Variants in GRAMD2B observed in about 807,000 individuals in gnomAD.
GRAMD2B encodes the protein GRAM domain-containing protein 2B.
GRAMD2B carries 41 observed loss-of-function variants against 59.2 expected under a neutral mutation model. The ratio of observed to expected loss-of-function variants is 0.69; its 90% confidence interval spans 0.54 to 0.90. The LOEUF (loss-of-function observed/expected upper bound fraction) is 0.90, where lower values mean the gene tolerates loss of function less well. Among genes scored for constraint, GRAMD2B ranks in the 40% least tolerant of loss-of-function variants. The pLI, the probability that GRAMD2B is intolerant of heterozygous loss-of-function variation, is 0.00. For synonymous variants in GRAMD2B, 161 were observed against 182.7 expected (o/e 0.88, Z 0.96); for missense variants, 424 against 500.5 (o/e 0.85, Z 1.46).
At chr5:126,480,572 A>G (rs1771521364) in intron 7 of GRAMD2B, 45 bp downstream of exon 7, 1 of 1,606,296 alleles carries the variant, frequency 6.2e-7, no homozygotes, top group Non-Finnish European at 8.5e-7. Context: ...TCTCTTCTGT[A>G]TTTCTTATGG....
chr5:126,400,336 T>G (rs908882318), intron 1 of GRAMD2B, among the ~76,000 whole-genome samples: 4 of 152,134 alleles, frequency 2.6e-5, no homozygotes, highest in African/African-American at 9.6e-5. Context: ...ATACAAAAAC[T>G]CTACACTTTT....
upstream of GRAMD2B, among the ~76,000 whole-genome samples, chr5:126,368,124 T>C (rs1018688634): frequency 9.9e-6 from 1 of 101,098 alleles, no homozygotes; most frequent in Admixed American, 1.1e-4. Flanking sequence ...TTATTTTAGT[T>C]GTATTTTATT....
chr5:126,367,028 G>C (rs1427380630), upstream of GRAMD2B, among the ~76,000 whole-genome samples: 1 of 151,820 alleles, frequency 6.6e-6, no homozygotes, highest in Non-Finnish European at 1.5e-5. Context: ...GCTAATTTTT[G>C]TATTTTTAGT....
intron 1 of GRAMD2B, among the ~76,000 whole-genome samples, chr5:126,450,268 T>TA (rs1765100783): frequency 6.6e-6 from 1 of 152,138 alleles, no homozygotes; most frequent in Admixed American, 6.5e-5. Flanking sequence ...TTCTCTCTTC[T>TA]AAGTCGGCTT....
At chr5:126,487,041 ACTTAGCATCCTT>A in intron 12 of GRAMD2B, 64 bp downstream of exon 12, 1 of 832,764 alleles carries the variant, frequency 1.2e-6, no homozygotes. Context: ...ATTGACCTGA[ACTTAGCATCCTT>A]CTTAGTAAAC....
intron 1 of GRAMD2B, among the ~76,000 whole-genome samples, chr5:126,411,890 T>G (rs1758834672): frequency 6.9e-6 from 1 of 145,024 alleles, no homozygotes; most frequent in South Asian, 2.1e-4. Context: ...TGGGATTGCA[T>G]TCTTGATTTG....
chr5:126,486,869 C>T lies in GRAMD2B; in HGVS notation c.1059-4C>T, dbSNP rs1313849462. The stretch of plus-strand genomic sequence containing the variant: ...ACGAAAGTTTCTCTTTCATCCGTTT[C>T]CAGTGTCTGTGCACTAATCATCTCG... On this transcript the variant is annotated splice_polypyrimidine_tract_variant and splice_region_variant and intron_variant, in intron 11 of 13. Coordinates refer to ENST00000285689, the MANE Select transcript of GRAMD2B (RefSeq NM_023927.4). 1 of 1,584,326 alleles carries T rather than the reference C, an allele frequency of 6.3e-7. No individual in the cohort carries two copies.
rs561366690 is a variant in GRAMD2B at position 126,377,419 on chromosome 5, G to A, written c.125+5852G>A. Among the ~76,000 whole-genome samples, 27 of 152,062 alleles carry A rather than the reference G, an allele frequency of 1.8e-4. 1 individual carries two copies. Among genetic ancestry groups the A allele is most frequent in the Admixed American group, 5.9e-4 (9 of 15,266 alleles). On this transcript the variant is annotated intron_variant, in intron 1 of 8. Coordinates refer to the GRAMD2B transcript ENST00000506445. ...CAGCTTCTACTGTCCAAGGCCCTGG[G>A]AGGGCCACTGGTAAGGTGCGCAGAT...
chr5:126,441,759 A>AT (rs1763334386), intron 1 of GRAMD2B, among the ~76,000 whole-genome samples: 4 of 152,184 alleles, frequency 2.6e-5, no homozygotes, highest in African/African-American at 4.8e-5. Context: ...CCCAATGAGG[A>AT]TTTTTTTAGG....
At chr5:126,412,522 T>TA (rs1758894765) in intron 1 of GRAMD2B, among the ~76,000 whole-genome samples, 1 of 152,152 alleles carries the variant, frequency 6.6e-6, no homozygotes, top group South Asian at 2.1e-4. Flanking sequence ...AGTATTGTCT[T>TA]AAAAATTTTT....
intron 6 of GRAMD2B, 144 bp from the exon 7 acceptor site, chr5:126,480,312 A>G: frequency 1.7e-6 from 1 of 589,584 alleles, no homozygotes; most frequent in Non-Finnish European, 3.0e-6. Flanking sequence ...GGAATGTTTG[A>G]GTGAGAGGAA....
intron 13 of GRAMD2B, among the ~76,000 whole-genome samples, chr5:126,489,211 T>C (rs1773504387): frequency 2.0e-5 from 3 of 152,156 alleles, no homozygotes; most frequent in South Asian, 4.1e-4. Context: ...TGTAGGGACA[T>C]AGTAGGGAGT....
At chr5:126,402,907 G>C (rs1561483050) in intron 1 of GRAMD2B, among the ~76,000 whole-genome samples, 1 of 151,976 alleles carries the variant, frequency 6.6e-6, no homozygotes, top group Admixed American at 6.6e-5. Context: ...ATTTGTTCTA[G>C]AATATTCCTT....
At chr5:126,418,339 T>G (rs1461143992) in intron 1 of GRAMD2B, among the ~76,000 whole-genome samples, 3 of 152,228 alleles carry the variant, frequency 2.0e-5, no homozygotes, top group Admixed American at 2.0e-4. Flanking sequence ...TTATTTTAAT[T>G]CTTAAAAAAT....
At chr5:126,365,067 A>G (rs991483534) in intron 1 of GRAMD2B, among the ~76,000 whole-genome samples, 3 of 152,248 alleles carry the variant, frequency 2.0e-5, no homozygotes, top group African/African-American at 7.2e-5. Flanking sequence ...TGATGATGAT[A>G]AAATGTTCAT....
chr5:126,465,662 A>C (rs1272260085), intron 2 of GRAMD2B, 117 bp downstream of exon 2: 3 of 870,758 alleles, frequency 3.4e-6, no homozygotes, highest in Admixed American at 5.2e-5. Context: ...GACAAATAAT[A>C]CTCCTGAGAA....
chr5:126,421,733 T>C (rs1475367531), upstream of GRAMD2B, among the ~76,000 whole-genome samples: 1 of 152,206 alleles, frequency 6.6e-6, no homozygotes, highest in Non-Finnish European at 1.5e-5. Flanking sequence ...AGAGAAGGAA[T>C]AAGAAAACTT....
At chr5:126,437,296 A>G (rs1386129644) in intron 1 of GRAMD2B, among the ~76,000 whole-genome samples, 1 of 152,208 alleles carries the variant, frequency 6.6e-6, no homozygotes, top group Admixed American at 6.5e-5. Flanking sequence ...TAAAATTGGA[A>G]GGACCAGGTG....
chr5:126,465,708 C>A (rs1263462970), intron 2 of GRAMD2B, among the ~76,000 whole-genome samples, 163 bp downstream of exon 2: 1 of 152,204 alleles, frequency 6.6e-6, no homozygotes, highest in African/African-American at 2.4e-5. Flanking sequence ...CAGGTAGCAT[C>A]TTTTTCTCCC....
Sources: allele counts gnomAD v4.1 joint callset (sites outside exome capture counted in the v4.1 genomes callset), GRCh38; gene constraint gnomAD v4.1.1; transcripts MANE v1.5; gene names NCBI Gene and HGNC (gene_info 2026-07-23, HGNC 2026-07-21).